Variants in PRIM2 observed in about 807,000 individuals in gnomAD.
The protein encoded by PRIM2 is DNA primase large subunit.
PRIM2 carries 39 observed loss-of-function variants against 67.3 expected under a neutral mutation model. The ratio of observed to expected loss-of-function variants is 0.58; its 90% CI spans 0.45 to 0.76. The LOEUF (loss-of-function observed/expected upper bound fraction) is 0.76, where lower values mean the gene tolerates loss of function less well. PRIM2 is among the 30% of genes least tolerant of loss of function. PRIM2 has a pLI of 0.00. For missense variants in PRIM2, 398 were observed against 598.7 expected (o/e 0.66, Z 3.50); for synonymous variants, 143 against 198.7 (o/e 0.72, Z 2.36).
At chr6:57,588,526 C>G (rs1375508995) in intron 10 of PRIM2, among the ~76,000 whole-genome samples, 1 of 151,506 alleles carries the variant, frequency 6.6e-6, no homozygotes, top group African/African-American at 2.4e-5. Flanking sequence ...AGGAGGGGGA[C>G]TTGGGTTTTT....
chr6:57,327,573 T>G (rs1767907520), intron 5 of PRIM2, among the ~76,000 whole-genome samples: 2 of 152,212 alleles, frequency 1.3e-5, no homozygotes, highest in African/African-American at 4.8e-5. Context: ...CACATCTACC[T>G]TTGCATAGAC....
intron 7 of PRIM2, among the ~76,000 whole-genome samples, chr6:57,419,651 A>G (rs1209472077): frequency 6.6e-6 from 1 of 152,120 alleles, no homozygotes; most frequent in Admixed American, 6.5e-5. Context: ...AGACTCTGGT[A>G]TGATTTTGTA....
At chr6:57,470,826 C>A (rs1415480267) in intron 7 of PRIM2, among the ~76,000 whole-genome samples, 1 of 152,048 alleles carries the variant, frequency 6.6e-6, no homozygotes, top group Non-Finnish European at 1.5e-5. Context: ...TGCATGAAAA[C>A]CATGCTTTCT....
intron 10 of PRIM2, among the ~76,000 whole-genome samples, chr6:57,587,664 CAAAAAAAAAAAAAAAAAAAA>C (rs1157172882): frequency 1.8e-5 from 1 of 54,236 alleles, no homozygotes; most frequent in Non-Finnish European, 3.0e-5. Flanking sequence ...GACTCTGTCT[CAAAAAAAAAAAAAAAAAAAA>C]AAAAAAAAAA....
Position 57,329,685 on chromosome 6 carries a change from G to A in PRIM2, c.459+3640G>A, listed in dbSNP as rs117563388. On this transcript the variant is annotated intron_variant, in intron 5 of 13. Transcript: ENST00000615550. The stretch of plus-strand genomic sequence containing the variant: ...CCTGTGAAGAGGTGCCATCTGCCAT[G>A]ATTGTAAGTTTCCTGAGGCCTCCCC... Among the ~76,000 whole-genome samples the A allele has an allele frequency of 2.4e-4, 36 of 152,272 alleles. No individual in the cohort carries two copies. In the East Asian group the frequency reaches 6.6e-3, roughly 28 times the overall value.
intron 7 of PRIM2, among the ~76,000 whole-genome samples, chr6:57,499,823 A>G (rs1458165345): frequency 6.6e-6 from 1 of 152,220 alleles, no homozygotes; most frequent in Non-Finnish European, 1.5e-5. Context: ...GCTACTAGTT[A>G]ATGACAGTTG....
chr6:57,461,676 G>C (rs1773007397), intron 7 of PRIM2, among the ~76,000 whole-genome samples: 1 of 152,236 alleles, frequency 6.6e-6, no homozygotes, highest in Admixed American at 6.5e-5. Flanking sequence ...TGAAACTCCA[G>C]AAAGGGTTTT....
At chr6:57,328,600 C>G (rs1439116696) in intron 5 of PRIM2, among the ~76,000 whole-genome samples, 1 of 152,178 alleles carries the variant, frequency 6.6e-6, no homozygotes, top group African/African-American at 2.4e-5. Context: ...CATATTTTGG[C>G]TATTATGAAT....
chr6:57,498,181 A>C (rs1774048515), intron 7 of PRIM2, among the ~76,000 whole-genome samples: 1 of 152,034 alleles, frequency 6.6e-6, no homozygotes, highest in South Asian at 2.1e-4. Context: ...TTGCCTTTTG[A>C]TTTTTAAAAA....
At chr6:57,576,799 A>G (rs1775971204) in intron 10 of PRIM2, among the ~76,000 whole-genome samples, 2 of 151,418 alleles carry the variant, frequency 1.3e-5, no homozygotes, top group Non-Finnish European at 2.9e-5. Flanking sequence ...TGCAAGGAAA[A>G]AAAAAAACAC....
chr6:57,618,728 G>T (rs1402552584), intron 12 of PRIM2, among the ~76,000 whole-genome samples: 3 of 152,082 alleles, frequency 2.0e-5, no homozygotes, highest in Non-Finnish European at 4.4e-5. Flanking sequence ...CAACTCCAGT[G>T]ACCTGGGAAT....
the PRIM2 span, among the ~76,000 whole-genome samples, chr6:57,290,398 T>C: frequency 5.9e-5 from 9 of 152,246 alleles, no homozygotes; most frequent in South Asian, 2.1e-4. Context: ...TCGCACACAA[T>C]AATCATGGTA....
the PRIM2 span, among the ~76,000 whole-genome samples, chr6:57,239,437 TG>T: frequency 6.6e-6 from 1 of 152,210 alleles, no homozygotes; most frequent in Non-Finnish European, 1.5e-5. Flanking sequence ...TTTTATATTT[TG>T]TAAGAATTTG....
intron 7 of PRIM2, among the ~76,000 whole-genome samples, chr6:57,456,324 T>C (rs994802534): frequency 6.6e-6 from 1 of 152,228 alleles, no homozygotes; most frequent in Admixed American, 6.5e-5. Context: ...TGAATTTGAA[T>C]GTTGGCCTTC....
chr6:57,627,235 G>C (rs1242604760), intron 12 of PRIM2, among the ~76,000 whole-genome samples: 2 of 119,102 alleles, frequency 1.7e-5, no homozygotes, highest in Non-Finnish European at 3.3e-5. Flanking sequence ...AGCCGAGATT[G>C]CGCCGCTGCC....
At chr6:57,617,986 T>C (rs1383628080) in intron 12 of PRIM2, among the ~76,000 whole-genome samples, 1 of 152,236 alleles carries the variant, frequency 6.6e-6, no homozygotes, top group Non-Finnish European at 1.5e-5. Context: ...CACTATTTCT[T>C]GAAGAGACAG....
At chr6:57,281,119 G>C in the PRIM2 span, among the ~76,000 whole-genome samples, 1 of 152,116 alleles carries the variant, frequency 6.6e-6, no homozygotes, top group East Asian at 1.9e-4. Flanking sequence ...TGTTGCAGTT[G>C]CTGCAAATGA....
At chr6:57,403,338 G>C (rs4591855) in intron 7 of PRIM2, among the ~76,000 whole-genome samples, 1 of 127,674 alleles carries the variant, frequency 7.8e-6, no homozygotes, top group Admixed American at 8.4e-5. Flanking sequence ...CTCACTGCAA[G>C]CTCTGCCTCC....
chr6:57,642,435 C>T (rs1351928393), intron 13 of PRIM2, among the ~76,000 whole-genome samples: 14,442 of 84,322 alleles, frequency 0.17, 1,818 homozygotes, highest in East Asian at 0.33. Flanking sequence ...AATATTATAT[C>T]TTTTTTTTTT....
Sources: allele counts gnomAD v4.1 joint callset (sites outside exome capture counted in the v4.1 genomes callset), GRCh38; gene constraint gnomAD v4.1.1; transcripts MANE v1.5; gene names NCBI Gene and HGNC (gene_info 2026-07-23, HGNC 2026-07-21).